The following GALK2 variants were observed in gnomAD, a reference collection of about 807,000 sequenced individuals.
GALK2 encodes the protein galactokinase 2, also known as N-acetylgalactosamine kinase.
In GALK2, 36 loss-of-function variants were observed where a neutral mutation model predicts 52.4. The observed-to-expected ratio is 0.69, with a 90% CI of 0.53 to 0.91. GALK2 has a LOEUF of 0.91. Ranked by LOEUF, GALK2 falls within the 40% of genes least tolerant of loss-of-function variation. GALK2 has a pLI of 0.00. For synonymous variants in GALK2, 176 were observed against 199.1 expected, an observed-to-expected ratio of 0.88 and a Z score of 0.98; for missense variants, 579 against 559.1, an observed-to-expected ratio of 1.04 and a Z score of -0.36.
chr15:49,157,073 T>A lies in GALK2; in HGVS notation c.20+1057T>A, dbSNP rs544693742. Among the ~76,000 whole-genome samples the A allele has an allele frequency of 9.2e-5, 14 of 152,366 alleles. No individual in the cohort carries two copies. The South Asian group carries it at 2.5e-3, about 27-fold the overall frequency. ...CATATTTCATATGTACATGTTAGCA[T>A]GACTAATCAGCACATCTGTACCTTT... On this transcript the variant is annotated intron_variant, in intron 1 of 9. Transcript: ENST00000327171.
intron 8 of GALK2, among the ~76,000 whole-genome samples, chr15:49,296,411 A>T (rs1182978227): frequency 6.6e-6 from 1 of 152,138 alleles, no homozygotes; most frequent in Non-Finnish European, 1.5e-5. Context: ...TTTGTTTAGG[A>T]TAATGTCCCT....
At chr15:49,367,593 T>TACTA (rs532275129) in exon 4 of GALK2, 632 of 1,588,660 alleles carry the variant, frequency 4.0e-4, no homozygotes, top group Non-Finnish European at 5.2e-4. Flanking sequence ...TCTGGACCAG[T>TACTA]ACTACTATAG....
rs761365640 is a variant in GALK2, at chr15:49,319,677, G to A, written c.1041G>A (p.Lys347=). 45 of 1,614,136 alleles carry A rather than the reference G, an allele frequency of 2.8e-5. No homozygotes were observed. Among genetic ancestry groups the A allele is most frequent in the Non-Finnish European group, 3.7e-5 (44 of 1,180,024 alleles). Residue 347 remains lysine (K), a synonymous_variant, in exon 9 of 10, where the codon AAG becomes AAA. Coordinates refer to ENST00000560031, the MANE Select transcript of GALK2 (RefSeq NM_002044.4). Reference sequence around the variant, plus strand: ...CTGCGCGAGTGCTCCAGTTTAAGAAGATATGTGAAGAAGCACCTGAAAACA... The same window carrying A: ...CTGCGCGAGTGCTCCAGTTTAAGAAAATATGTGAAGAAGCACCTGAAAACA... ...SEAARVLQFK[K]ICEEAPENMV... is the part of the protein sequence containing the mutation.
intron 3 of GALK2, among the ~76,000 whole-genome samples, chr15:49,354,752 C>A (rs1184500477): frequency 2.0e-5 from 3 of 152,108 alleles, no homozygotes; most frequent in Non-Finnish European, 4.4e-5. Flanking sequence ...CTCAAGGAGG[C>A]CTGCCTGCCT....
intron 7 of GALK2, among the ~76,000 whole-genome samples, chr15:49,289,831 A>G (rs779942551): frequency 1.3e-5 from 2 of 152,136 alleles, no homozygotes; most frequent in African/African-American, 2.4e-5. Flanking sequence ...TCTGAGAGAA[A>G]CCAACCTAAA....
intron 3 of GALK2, among the ~76,000 whole-genome samples, chr15:49,354,386 C>CA (rs1476494044): frequency 6.6e-6 from 1 of 152,078 alleles, no homozygotes; most frequent in Non-Finnish European, 1.5e-5. Context: ...TCAGTGGGTG[C>CA]GCGCACCGTG....
At chr15:49,333,504 G>C (rs1043105831), downstream of GALK2, among the ~76,000 whole-genome samples, 1 of 152,148 alleles carries the variant, frequency 6.6e-6, no homozygotes, top group Non-Finnish European at 1.5e-5. Flanking sequence ...TTGATTTTTG[G>C]AAACTTGTAA....
At chr15:49,184,715 CA>C (rs1317212089) in intron 1 of GALK2, among the ~76,000 whole-genome samples, 2 of 152,114 alleles carry the variant, frequency 1.3e-5, no homozygotes, top group African/African-American at 4.8e-5. Context: ...ACACCAATTA[CA>C]AAAAGAAACA....
chr15:49,265,467 T>C (rs1282159562), intron 5 of GALK2, among the ~76,000 whole-genome samples: 1 of 152,248 alleles, frequency 6.6e-6, no homozygotes, highest in Admixed American at 6.5e-5. Context: ...TTCCAGGTGC[T>C]GTCTGTCACC....
intron 5 of GALK2, among the ~76,000 whole-genome samples, chr15:49,279,557 A>G (rs375523596): frequency 9.6e-4 from 147 of 152,336 alleles, no homozygotes; most frequent in Non-Finnish European, 1.7e-3. Flanking sequence ...TCTCATGTCT[A>G]TAATGGGGAT....
intron 3 of GALK2, among the ~76,000 whole-genome samples, chr15:49,341,929 T>A (rs1327400998): frequency 1.3e-5 from 2 of 152,242 alleles, no homozygotes; most frequent in Non-Finnish European, 2.9e-5. Context: ...TTTGAATTTA[T>A]CAAAACTGCT....
intron 2 of GALK2, among the ~76,000 whole-genome samples, chr15:49,211,855 C>G (rs1297462361): frequency 6.6e-6 from 1 of 152,126 alleles, no homozygotes; most frequent in Non-Finnish European, 1.5e-5. Context: ...AATCAACACC[C>G]ACCAGGCTTC....
chr15:49,347,082 A>G (rs1174104669), intron 3 of GALK2, among the ~76,000 whole-genome samples: 1 of 152,220 alleles, frequency 6.6e-6, no homozygotes, highest in African/African-American at 2.4e-5. Context: ...GTAAAATAGG[A>G]TTGCAGTTCT....
chr15:49,281,877 T>C, intron 5 of GALK2, 110 bp from the exon 6 acceptor site: 1 of 697,232 alleles, frequency 1.4e-6, no homozygotes, highest in Non-Finnish European at 2.4e-6. Flanking sequence ...TACTATTAGT[T>C]GATCAGAGTT....
At chr15:49,305,880 T>C (rs1471131721) in intron 8 of GALK2, among the ~76,000 whole-genome samples, 1 of 152,218 alleles carries the variant, frequency 6.6e-6, no homozygotes, top group Non-Finnish European at 1.5e-5. Context: ...TCCGGAGAAC[T>C]ACATAAGCAC....
chr15:49,234,116 C>A (rs2090657571), intron 3 of GALK2, among the ~76,000 whole-genome samples: 1 of 152,196 alleles, frequency 6.6e-6, no homozygotes, highest in Non-Finnish European at 1.5e-5. Flanking sequence ...AGCACTCAGT[C>A]AATATGGGGA....
chr15:49,236,822 A>T (rs1259712772), intron 4 of GALK2, among the ~76,000 whole-genome samples: 1 of 152,236 alleles, frequency 6.6e-6, no homozygotes, highest in Non-Finnish European at 1.5e-5. Context: ...AAACTTTGTA[A>T]TGAGCAGCTA....
intron 3 of GALK2, among the ~76,000 whole-genome samples, chr15:49,219,504 A>G (rs6493357): frequency 0.41 from 62,595 of 151,952 alleles, 13,052 homozygotes; most frequent in African/African-American, 0.43. Context: ...ATGAACTAAT[A>G]TAGCCTTTTA....
intron 3 of GALK2, among the ~76,000 whole-genome samples, chr15:49,228,691 T>TATTTATTTATTTA (rs1566958098): frequency 2.7e-4 from 7 of 26,372 alleles, no homozygotes; most frequent in African/African-American, 1.6e-3. Context: ...ATATATATTT[T>TATTTATTTATTTA]TTTTTTTTTT....
Sources: allele counts gnomAD v4.1 joint callset (sites outside exome capture counted in the v4.1 genomes callset), GRCh38; gene constraint gnomAD v4.1.1; transcripts MANE v1.5; gene names NCBI Gene and HGNC (gene_info 2026-07-23, HGNC 2026-07-21).